The following PCDHGB1 variants were observed in gnomAD, a reference collection of about 807,000 sequenced individuals.
PCDHGB1 encodes the protein protocadherin gamma subfamily B, 1.
PCDHGB1 carries 34 observed loss-of-function variants against 56.6 expected under a neutral mutation model. That is an observed-to-expected ratio of 0.60 (90% CI 0.46 to 0.80). PCDHGB1 has a LOEUF of 0.80. PCDHGB1 is among the 30% of genes least tolerant of loss of function. The probability of loss-of-function intolerance (pLI) is 0.00; values close to 1 mark genes in which losing one functional copy is unlikely to be tolerated. For synonymous variants in PCDHGB1, 561 were observed against 505.9 expected, an observed-to-expected ratio of 1.11 and a Z score of -1.46; for missense variants, 1,278 against 1,204.6, an observed-to-expected ratio of 1.06 and a Z score of -0.90.
Position 141,490,867 on chromosome 5 carries a change from C to G in PCDHGB1, c.2410-3940C>G. ...GGGGGTTCGAGACTCCGGCTCTCCC[C>G]CATTGCATGCCAACACATCTCTGCA... On this transcript the variant is annotated intron_variant, in intron 1 of 3. Coordinates refer to ENST00000523390, the MANE Select transcript of PCDHGB1 (RefSeq NM_018922.3). This position sits in a 1 kb window ranked among gnomAD's most constrained non-coding sequence, Gnocchi z 5.4. 6.2e-7 allele frequency: 1 copy of G among 1,613,912 alleles called. No individual in the cohort carries two copies. The highest frequency in any genetic ancestry group is 8.5e-7 in the Non-Finnish European group (1 of 1,179,936).
chr5:141,375,630 C>T (rs1162494057), intron 1 of PCDHGB1: 2 of 1,614,246 alleles, frequency 1.2e-6, no homozygotes, highest in Non-Finnish European at 1.7e-6. Flanking sequence ...ATTCTGTACG[C>T]CCTGCGCTCC....
chr5:141,421,207 A>G (rs1318794693), intron 1 of PCDHGB1: 3 of 1,533,934 alleles, frequency 2.0e-6, no homozygotes, highest in Non-Finnish European at 2.6e-6. Context: ...GAAACCGCGG[A>G]ATATCGGCTT....
At chr5:141,388,270 A>G (rs1387371856) in intron 1 of PCDHGB1, 1 of 1,596,568 alleles carries the variant, frequency 6.3e-7, no homozygotes, top group Non-Finnish European at 8.5e-7. Flanking sequence ...ATTAATGACC[A>G]CACGCCAAAA....
At chr5:141,421,985 C>A (rs762388624) in intron 1 of PCDHGB1, 1 of 1,608,432 alleles carries the variant, frequency 6.2e-7, no homozygotes, top group East Asian at 2.2e-5. Flanking sequence ...GTGAGTGTTC[C>A]AGAAAACATC....
intron 1 of PCDHGB1, chr5:141,355,492 A>G: frequency 6.2e-7 from 1 of 1,614,090 alleles, no homozygotes; most frequent in Non-Finnish European, 8.5e-7. Context: ...GCTCTGCGAC[A>G]GATCTCCAAA....
chr5:141,385,608 T>C, intron 1 of PCDHGB1: 2 of 1,153,978 alleles, frequency 1.7e-6, no homozygotes, highest in Non-Finnish European at 2.2e-6. Context: ...TTAACTCATA[T>C]ATTTTATACA....
intron 1 of PCDHGB1, chr5:141,408,156 T>C: frequency 6.6e-7 from 1 of 1,512,436 alleles, no homozygotes; most frequent in Non-Finnish European, 8.9e-7. Context: ...TAGAGTGCAC[T>C]TTCTCCAACT....
At chr5:141,417,538 A>G (rs2154547037) in intron 1 of PCDHGB1, 2 of 297,748 alleles carry the variant, frequency 6.7e-6, no homozygotes, top group East Asian at 6.0e-5. Flanking sequence ...AGTTTAAAAA[A>G]AATTCCTTGA....
intron 1 of PCDHGB1, chr5:141,422,970 C>T (rs1348343583): frequency 1.2e-6 from 2 of 1,614,246 alleles, no homozygotes; most frequent in East Asian, 2.2e-5. Flanking sequence ...TGGCGCCCCG[C>T]TCTGCGGAAC....
At chr5:141,446,860 G>A (rs969206755) in intron 1 of PCDHGB1, among the ~76,000 whole-genome samples, 17 of 152,162 alleles carry the variant, frequency 1.1e-4, no homozygotes, top group African/African-American at 3.9e-4. Flanking sequence ...CTTCCTGATA[G>A]CTCTACACTG....
rs1758473028 is a variant in PCDHGB1 at position 141,350,431 on chromosome 5, G to A, written c.171G>A (p.Arg57=). The change falls in exon 1 of 4, where the codon CGG becomes CGA. Residue 57 remains arginine, a synonymous_variant. Coordinates refer to ENST00000523390, the MANE Select transcript of PCDHGB1 (RefSeq NM_018922.3). ...CCAAGGATCTGGGGCTCAGTGTCCGGGAGTTGCCAACTCGAAAACTGCGGG... is the reference window on the plus strand; with the variant it reads ...CCAAGGATCTGGGGCTCAGTGTCCGAGAGTTGCCAACTCGAAAACTGCGGG... ...KLAKDLGLSV[R]ELPTRKLRVS... The A allele has an allele frequency of 6.2e-7, 1 of 1,610,338 alleles. No homozygotes were observed. Among genetic ancestry groups the A allele is most frequent in the Admixed American group, 1.7e-5 (1 of 59,940 alleles).
Position 141,350,770 on chromosome 5 carries a change from C to G in PCDHGB1, c.510C>G (p.Asn170Lys). 3.1e-6 allele frequency: 5 copies of G among 1,613,924 alleles called. No homozygotes were observed. The highest frequency in any genetic ancestry group is 4.2e-6 in the Non-Finnish European group (5 of 1,179,880). ...ATTCACTGAAGTTATACACCATCAA[C>G]CCCAATCAATACTTCTCTCTGTCAA... ...EGNSLKLYTI[N>K]PNQYFSLSTK... The change falls in exon 1 of 4, where the codon AAC becomes AAG. Residue 170 changes from asparagine to lysine, a missense_variant. Coordinates refer to ENST00000523390, the MANE Select transcript of PCDHGB1 (RefSeq NM_018922.3).
chr5:141,383,253 T>C (rs563605516), intron 1 of PCDHGB1: 4 of 1,613,928 alleles, frequency 2.5e-6, no homozygotes, highest in Middle Eastern at 1.6e-4. Context: ...ATCTTTACCC[T>C]ATAGACGTGG....
In PCDHGB1 at chr5:141,352,113, G is replaced by A. The variant is rs1758920100; in HGVS notation, c.1853G>A (p.Arg618His). 2 of 1,607,732 alleles carry A rather than the reference G, an allele frequency of 1.2e-6. No individual in the cohort carries two copies. Among genetic ancestry groups the A allele is most frequent in the Non-Finnish European group, 1.7e-6 (2 of 1,177,858 alleles). Reference sequence around the variant, plus strand: ...CCCGGGCTCTTCAGCCTGGGGTTGCGCACGGGTGAGGTGCGCACAGCGCGT... The same window carrying A: ...CCCGGGCTCTTCAGCCTGGGGTTGCACACGGGTGAGGTGCGCACAGCGCGT... ...SEPGLFSLGL[R>H]TGEVRTARAL... Residue 618 changes from arginine to histidine, a missense_variant, in exon 1 of 4, where the codon CGC becomes CAC. Physicochemically the swap from Arg to His is conservative, Grantham distance 29 (BLOSUM62 0). Transcript: ENST00000523390.
At position 141,384,585 on chromosome 5, in the gene PCDHGB1, C is replaced by T. The variant is rs545796754; in HGVS notation, c.2409+31916C>T. 4.3e-6 allele frequency: 7 copies of T among 1,614,246 alleles called. No individual in the cohort carries two copies. In the African/African-American group the frequency reaches 6.7e-5, roughly 15 times the overall value. ...ACCAGAATGACAACCCGCCCGAGAT[C>T]CTGTACCCGGCCCTCCCCACAGATG... On this transcript the variant is annotated intron_variant, in intron 1 of 3. Coordinates refer to ENST00000523390, the MANE Select transcript of PCDHGB1 (RefSeq NM_018922.3).
At chr5:141,450,006 CTT>C (rs1554136305) in intron 1 of PCDHGB1, among the ~76,000 whole-genome samples, 13 of 132,938 alleles carry the variant, frequency 9.8e-5, no homozygotes, top group Non-Finnish European at 7.9e-5. Flanking sequence ...TGCCATGTCT[CTT>C]TTTTTTTTTT....
chr5:141,421,446 A>G, intron 1 of PCDHGB1: 1 of 1,614,106 alleles, frequency 6.2e-7, no homozygotes, highest in Non-Finnish European at 8.5e-7. Flanking sequence ...GAGGGAAGAC[A>G]CAGCTTTTCG....
At chr5:141,435,180 C>G (rs1341148119) in intron 1 of PCDHGB1, among the ~76,000 whole-genome samples, 1 of 152,074 alleles carries the variant, frequency 6.6e-6, no homozygotes, top group African/African-American at 2.4e-5. Context: ...TTTAACTACA[C>G]TTGAGATGGC....
chr5:141,401,940 A>T (rs1423719749), intron 1 of PCDHGB1, among the ~76,000 whole-genome samples: 1 of 152,236 alleles, frequency 6.6e-6, no homozygotes, highest in Non-Finnish European at 1.5e-5. Flanking sequence ...AATAATGTTT[A>T]AGACCACTTT....
Sources: allele counts gnomAD v4.1 joint callset (sites outside exome capture counted in the v4.1 genomes callset), GRCh38; gene constraint gnomAD v4.1.1; non-coding constraint Gnocchi (gnomAD v3.1); transcripts MANE v1.5; gene names NCBI Gene and HGNC (gene_info 2026-07-23, HGNC 2026-07-21).